The following KRABD4 variants were observed in gnomAD, a reference collection of about 807,000 sequenced individuals.
The protein encoded by KRABD4 is KRAB domain-containing protein 4.
At chrX:46,469,385 A>G in the KRABD4 span, among the ~76,000 whole-genome samples, 5 of 112,168 alleles carry the variant, frequency 4.5e-5, no homozygotes, top group African/African-American at 9.7e-5. Flanking sequence ...TTTTGAATGG[A>G]TAGGTCTTGC....
chrX:46,467,383 C>T, the KRABD4 span, among the ~76,000 whole-genome samples: 1 of 110,259 alleles, frequency 9.1e-6, no homozygotes, highest in Non-Finnish European at 1.9e-5. Context: ...AGTGAAACCC[C>T]GTCTCTACTA....
At chrX:46,454,957 A>G in the KRABD4 span, 1 of 229,325 alleles carries the variant, frequency 4.4e-6, no homozygotes, top group Non-Finnish European at 7.8e-6. Flanking sequence ...GGGAAGCCAA[A>G]AGATTGGACA....
the KRABD4 span, among the ~76,000 whole-genome samples, chrX:46,464,532 A>C: frequency 8.9e-6 from 1 of 112,213 alleles, no homozygotes; most frequent in East Asian, 2.8e-4. Context: ...ACTCCTCAGC[A>C]CACACTCTCT....
chrX:46,472,400 C>T, the KRABD4 span: 1 of 183,020 alleles, frequency 5.5e-6, no homozygotes, highest in East Asian at 1.3e-4. Context: ...CTAGAATTCA[C>T]CTCACACTCA....
the KRABD4 span, among the ~76,000 whole-genome samples, chrX:46,461,269 G>A: frequency 1.8e-5 from 2 of 110,659 alleles, no homozygotes; most frequent in East Asian, 2.9e-4. Context: ...TGGGATCCTC[G>A]AAGCCATGCC....
At chrX:46,462,881 G>A in the KRABD4 span, 8 of 1,209,853 alleles carry the variant, frequency 6.6e-6, no homozygotes, top group Middle Eastern at 2.3e-4. Context: ...GTGGGTGAGG[G>A]ACCGTGCCAC....
chrX:46,472,400 CCTCACA>C, the KRABD4 span: 1 of 183,020 alleles, frequency 5.5e-6, no homozygotes, highest in Non-Finnish European at 1.0e-5. Context: ...CTAGAATTCA[CCTCACA>C]CTCATGATTA....
the KRABD4 span, among the ~76,000 whole-genome samples, chrX:46,459,101 TCAGGAGTTCAAGA>T: frequency 9.0e-6 from 1 of 111,082 alleles, no homozygotes; most frequent in Non-Finnish European, 1.9e-5. Context: ...TCACCTGAGA[TCAGGAGTTCAAGA>T]CCAGCCTGGC....
the KRABD4 span, among the ~76,000 whole-genome samples, chrX:46,469,471 G>A: frequency 8.9e-6 from 1 of 112,013 alleles, no homozygotes; most frequent in Non-Finnish European, 1.9e-5. Flanking sequence ...TATGTACCTA[G>A]TTGTTTTGTA....
the KRABD4 span, among the ~76,000 whole-genome samples, chrX:46,458,857 C>T: frequency 9.0e-6 from 1 of 111,371 alleles, no homozygotes; most frequent in African/African-American, 3.3e-5. Flanking sequence ...ATAAAAATGA[C>T]CCCTGATTGG....
the KRABD4 span, chrX:46,455,031 G>A: frequency 2.9e-6 from 1 of 345,884 alleles, no homozygotes; most frequent in East Asian, 5.8e-5. Flanking sequence ...CACTTGTGGA[G>A]TGTTTACTAT....
the KRABD4 span, among the ~76,000 whole-genome samples, chrX:46,457,807 C>G: frequency 9.1e-6 from 1 of 109,899 alleles, no homozygotes; most frequent in African/African-American, 3.3e-5. Flanking sequence ...TGCAGTGGCA[C>G]AGTCGGCTCA....
chrX:46,449,882 C>G, the KRABD4 span, among the ~76,000 whole-genome samples: 2 of 111,430 alleles, frequency 1.8e-5, no homozygotes, highest in African/African-American at 6.5e-5. Context: ...TCCTCCCACC[C>G]AGCCTTCAGA....
At chrX:46,462,743 T>C in the KRABD4 span, 2 of 1,209,275 alleles carry the variant, frequency 1.7e-6, no homozygotes, top group African/African-American at 3.5e-5. Context: ...AATGTGCCAT[T>C]ACAGGAATCA....
the KRABD4 span, among the ~76,000 whole-genome samples, chrX:46,465,079 C>T: frequency 5.3e-5 from 6 of 112,395 alleles, no homozygotes; most frequent in Admixed American, 2.8e-4. Flanking sequence ...CCTCCACTCC[C>T]CAGCTCTTCA....
the KRABD4 span, among the ~76,000 whole-genome samples, chrX:46,461,322 G>C: frequency 9.0e-6 from 1 of 110,840 alleles, no homozygotes; most frequent in Non-Finnish European, 1.9e-5. Flanking sequence ...GAACAGGTTA[G>C]GGCTTCCAAG....
At chrX:46,463,489 T>C in the KRABD4 span, 3 of 497,602 alleles carry the variant, frequency 6.0e-6, no homozygotes, top group East Asian at 1.1e-4. Flanking sequence ...CTGTGTTCTT[T>C]GTTTGGCATT....
the KRABD4 span, among the ~76,000 whole-genome samples, chrX:46,459,228 T>A: frequency 2.8e-5 from 3 of 107,689 alleles, no homozygotes; most frequent in African/African-American, 1.0e-4. Context: ...GCAGGAGAAT[T>A]GCTTGAACCT....
chrX:46,467,106 C>T, the KRABD4 span, among the ~76,000 whole-genome samples: 13 of 112,272 alleles, frequency 1.2e-4, no homozygotes, highest in Non-Finnish European at 2.3e-4. Flanking sequence ...AGTTAATGCA[C>T]ATTTGAATTG....
Sources: gnomAD v4.1 joint callset for allele counts (sites outside exome capture counted in the v4.1 genomes callset) on GRCh38, gnomAD v4.1.1 for gene constraint, MANE v1.5 for transcripts, NCBI Gene and HGNC (gene_info 2026-07-23, HGNC 2026-07-21) for gene names.